WDFY4: variants seen among roughly 807,000 people sequenced by gnomAD.
WDFY4 encodes WD repeat- and FYVE domain-containing protein 4.
Under a neutral mutation model 351.9 loss-of-function variants are expected in WDFY4, and 169 were observed. The ratio of observed to expected loss-of-function variants is 0.48; its 90% CI spans 0.42 to 0.55. WDFY4 has a LOEUF of 0.55. WDFY4 is among the 20% of genes least tolerant of loss of function. WDFY4 has a pLI of 0.00. For missense variants in WDFY4, 3,803 were observed against 3,935.6 expected, an observed-to-expected ratio of 0.97 and a Z score of 0.90; for synonymous variants, 1,622 against 1,574.6, an observed-to-expected ratio of 1.03 and a Z score of -0.71.
chr10:48,958,562 A>G (rs1421203440), intron 52 of WDFY4, among the ~76,000 whole-genome samples: 1 of 152,224 alleles, frequency 6.6e-6, no homozygotes. Flanking sequence ...CAGAAAAGTC[A>G]GGAGAACAAG....
At chr10:48,713,339 C>T (rs2063815941) in intron 2 of WDFY4, among the ~76,000 whole-genome samples, 1 of 152,206 alleles carries the variant, frequency 6.6e-6, no homozygotes, top group Non-Finnish European at 1.5e-5. Context: ...CATCTTCTTC[C>T]CAGAAAAGAA....
chr10:48,729,077 A>G (rs2064366784), intron 7 of WDFY4, among the ~76,000 whole-genome samples: 1 of 152,202 alleles, frequency 6.6e-6, no homozygotes, highest in African/African-American at 2.4e-5. Flanking sequence ...TTCCCACACC[A>G]TTTTGTTGCA....
chr10:48,966,634 A>G lies in WDFY4; in HGVS notation c.8545A>G (p.Ser2849Gly). ...TGGCCACCCACAGCCCTTTTTCTAC[A>G]GCCTGCAGTCGCTGAGGCCCTCCCA... ...LPGHPQPFFY[S>G]LQSLRPSQVT... The change falls in exon 55 of 62, where the codon AGC becomes GGC. Residue 2849 changes from serine (S) to glycine (G), a missense_variant. Physicochemically the swap from Ser to Gly is moderately conservative, Grantham distance 56. Transcript: ENST00000325239. The G allele has an allele frequency of 1.3e-6, 2 of 1,551,840 alleles. No individual in the cohort carries two copies. The highest frequency in any genetic ancestry group is 1.7e-6 in the Non-Finnish European group (2 of 1,147,014).
intron 22 of WDFY4, 83 bp downstream of exon 22, chr10:48,790,068 T>A: frequency 7.3e-7 from 1 of 1,370,264 alleles, no homozygotes; most frequent in Non-Finnish European, 1.0e-6. Context: ...AGTTCTGGAG[T>A]GGTGGACAGG....
intron 19 of WDFY4, among the ~76,000 whole-genome samples, chr10:48,783,576 T>G (rs894411687): frequency 6.6e-6 from 1 of 151,874 alleles, no homozygotes; most frequent in Non-Finnish European, 1.5e-5. Context: ...ATAAGAATAA[T>G]ATAAATGCAT....
chr10:48,940,515 C>T (rs988021737), intron 47 of WDFY4, among the ~76,000 whole-genome samples: 2 of 152,208 alleles, frequency 1.3e-5, no homozygotes, highest in Non-Finnish European at 2.9e-5. Context: ...CTGGGACACA[C>T]GGGCAGCCAG....
chr10:48,797,869 T>A (rs1399643415), intron 24 of WDFY4, among the ~76,000 whole-genome samples: 1 of 152,230 alleles, frequency 6.6e-6, no homozygotes, highest in Non-Finnish European at 1.5e-5. Flanking sequence ...TATCTAGGGA[T>A]GTTAACTGTA....
chr10:48,833,018 TTGGGCCACTTTGA>T (rs72095584), intron 39 of WDFY4, among the ~76,000 whole-genome samples: 4,391 of 152,214 alleles, frequency 0.029, 82 homozygotes, highest in Non-Finnish European at 0.045. Context: ...AGACACAGGG[TTGGGCCACTTTGA>T]CTGTGTTGGG....
chr10:48,815,367 A>G (rs2067585782), intron 31 of WDFY4, among the ~76,000 whole-genome samples: 1 of 151,998 alleles, frequency 6.6e-6, no homozygotes, highest in African/African-American at 2.4e-5. Context: ...TTTTCCTGTC[A>G]ATTGCCTGAT....
chr10:48,761,979 G>A (rs571959689), intron 13 of WDFY4, among the ~76,000 whole-genome samples: 1 of 152,364 alleles, frequency 6.6e-6, no homozygotes, highest in African/African-American at 2.4e-5. Context: ...GGTATTGAAT[G>A]TGGCCTTACC....
At chr10:48,777,388 C>G in intron 16 of WDFY4, 31 bp from the exon 17 acceptor site, 1 of 1,545,296 alleles carries the variant, frequency 6.5e-7, no homozygotes, top group African/African-American at 1.4e-5. Flanking sequence ...GGCTTGCAGT[C>G]CAATGATCTG....
chr10:48,757,714 A>G (rs1166796369), intron 12 of WDFY4, among the ~76,000 whole-genome samples: 4 of 151,184 alleles, frequency 2.6e-5, no homozygotes, highest in Non-Finnish European at 5.9e-5. Flanking sequence ...ATATTTTAGT[A>G]TTCAATTTGA....
At chr10:48,763,302 A>G (rs946208791) in intron 13 of WDFY4, among the ~76,000 whole-genome samples, 1 of 152,142 alleles carries the variant, frequency 6.6e-6, no homozygotes, top group Non-Finnish European at 1.5e-5. Context: ...GATCTGAAAC[A>G]CCTCTGGCCC....
At chr10:48,767,900 A>T (rs1160244027) in intron 13 of WDFY4, among the ~76,000 whole-genome samples, 2 of 152,150 alleles carry the variant, frequency 1.3e-5, no homozygotes, top group African/African-American at 4.8e-5. Flanking sequence ...AGACATGTCC[A>T]CTTCCAGGAC....
At chr10:48,769,461 A>G (rs145134328) in intron 13 of WDFY4, among the ~76,000 whole-genome samples, 1 of 152,178 alleles carries the variant, frequency 6.6e-6, no homozygotes, top group Non-Finnish European at 1.5e-5. Context: ...AAGTCACTTA[A>G]AGTCTATCAT....
At chr10:48,855,536 T>C (rs536314605) in intron 39 of WDFY4, among the ~76,000 whole-genome samples, 47 of 152,166 alleles carry the variant, frequency 3.1e-4, no homozygotes, top group Non-Finnish European at 5.3e-4. Flanking sequence ...TCTCAAGACC[T>C]GTTCACTTTC....
chr10:48,899,071 G>C (rs1180585880), intron 45 of WDFY4, among the ~76,000 whole-genome samples: 3 of 150,910 alleles, frequency 2.0e-5, no homozygotes, highest in Non-Finnish European at 2.9e-5. Context: ...CAGTCAGTGG[G>C]GTTTTTTCCC....
chr10:48,736,271 C>T lies in WDFY4; in HGVS notation c.1878+201C>T, dbSNP rs1209494765. 3 of 640,178 alleles carry T rather than the reference C, an allele frequency of 4.7e-6. No individual in the cohort carries two copies. In the African/African-American group the frequency reaches 5.4e-5, roughly 12 times the overall value. The allele number at this position is 640,178 out of a possible 1,614,324, so 39.7% of individuals were successfully genotyped here. On this transcript the variant is annotated intron_variant, in intron 11 of 61. Coordinates refer to ENST00000325239, the MANE Select transcript of WDFY4 (RefSeq NM_001394531.1). Reference sequence around the variant, plus strand: ...TGGTACATTTGAAATTTCTTTGCAACATACAGTCCAGTCAATGATTGGTGA... The same window carrying T: ...TGGTACATTTGAAATTTCTTTGCAATATACAGTCCAGTCAATGATTGGTGA...
At chr10:48,721,432 C>A in intron 4 of WDFY4, 65 bp downstream of exon 4, 1 of 1,460,308 alleles carries the variant, frequency 6.8e-7, no homozygotes, top group Non-Finnish European at 9.4e-7. Flanking sequence ...GGAGGTCCAG[C>A]ACAGGGTGGT....
Sources: allele counts gnomAD v4.1 joint callset (sites outside exome capture counted in the v4.1 genomes callset), GRCh38; gene constraint gnomAD v4.1.1; transcripts MANE v1.5; gene names NCBI Gene and HGNC (gene_info 2026-07-23, HGNC 2026-07-21).